P4HA2: variants seen among roughly 807,000 people sequenced by gnomAD.
P4HA2 encodes the protein prolyl 4-hydroxylase subunit alpha 2, also known as prolyl 4-hydroxylase subunit alpha-2.
Under a neutral mutation model 76.9 loss-of-function variants are expected in P4HA2, and 46 were observed. The ratio of observed to expected loss-of-function variants is 0.60; its 90% confidence interval spans 0.47 to 0.76. The LOEUF is 0.76. Ranked by LOEUF, P4HA2 falls within the 30% of genes least tolerant of loss-of-function variation. The pLI, the probability that P4HA2 is intolerant of heterozygous loss-of-function variation, is 0.00. For synonymous variants in P4HA2, 243 were observed against 254.0 expected, an observed-to-expected ratio of 0.96 and a Z score of 0.41; for missense variants, 583 against 669.4, an observed-to-expected ratio of 0.87 and a Z score of 1.42.
rs2126536583 is a variant in P4HA2, at chr5:132,197,359, G to A, written c.1365+962C>T. Among the ~76,000 whole-genome samples the A allele has an allele frequency of 1.3e-5, 2 of 152,294 alleles. 1 individual carries two copies. Among genetic ancestry groups the A allele is most frequent in the Middle Eastern group, 6.8e-3 (2 of 294 alleles). On this transcript the variant is annotated intron_variant, in intron 12 of 14. Transcript: ENST00000360568. The stretch of plus-strand genomic sequence containing the variant: ...GCAGTGGCTCACGCCTGTAATCCCA[G>A]CACTTTGGGAGGCCGAGGGGGGCGG...
chr5:132,198,202 T>A, intron 12 of P4HA2, 119 bp downstream of exon 12: 1 of 1,614,136 alleles, frequency 6.2e-7, no homozygotes. Context: ...CACATCATAC[T>A]CACGTAGTTT....
chr5:132,206,144 G>C (rs1752179390), intron 8 of P4HA2, among the ~76,000 whole-genome samples: 1 of 152,090 alleles, frequency 6.6e-6, no homozygotes, highest in Non-Finnish European at 1.5e-5. Flanking sequence ...CTACCCTCTG[G>C]CCAGCCACAC....
rs1750059689 is a variant in P4HA2, at chr5:132,192,948, A to T, written c.*62T>A. 1 of 1,039,002 alleles carries T rather than the reference A, an allele frequency of 9.6e-7. No homozygotes were observed. Among genetic ancestry groups the T allele is most frequent in the African/African-American group, 1.6e-5 (1 of 63,288 alleles). The allele number at this position is 1,039,002 out of a possible 1,614,324, so 64.4% of individuals were successfully genotyped here. On this transcript the variant is annotated 3_prime_UTR_variant, in exon 15 of 15. Transcript: ENST00000360568. ...GATAGGAACATACAAAGGAACATAC[A>T]AAGGTGTCTGTCACGTTGACATGGG...
intron 4 of P4HA2, among the ~76,000 whole-genome samples, chr5:132,215,874 A>G (rs1753787408): frequency 7.4e-6 from 1 of 135,886 alleles, no homozygotes; most frequent in African/African-American, 2.9e-5. Flanking sequence ...AAAAAAAAAA[A>G]AAAGGCAGCG....
Position 132,194,962 on chromosome 5 carries a change from G to A in P4HA2, c.1495C>T (p.His499Tyr). The change falls in exon 14 of 15, where the codon CAT (histidine) becomes TAT (tyrosine). Residue 499 changes from histidine to tyrosine, a missense_variant. His to Tyr is a moderately conservative substitution (Grantham distance 83). Transcript: ENST00000360568. ...RSGEGDYRTR[H>Y]AACPVLVGCK... ...CCCACAAGCACAGGGCAGGCAGCAT[G>A]TCTTGTTCGGTAGTCACCTTCCCCG... 1 of 1,613,790 alleles carries A rather than the reference G, an allele frequency of 6.2e-7. No individual in the cohort carries two copies. Among genetic ancestry groups the A allele is most frequent in the Non-Finnish European group, 8.5e-7 (1 of 1,179,676 alleles).
In P4HA2 at chr5:132,227,767, G is replaced by T. The variant is rs559774982; in HGVS notation, c.-19+23C>A. The stretch of plus-strand genomic sequence containing the variant: ...GCCCCAGCGCTAAGGTTGATCTGGC[G>T]GCTGAGCGGGCGGGGCGCTCACCTG... On this transcript the variant is annotated intron_variant, in intron 1 of 14. Transcript: ENST00000360568. 18 of 152,312 alleles carry T rather than the reference G, an allele frequency of 1.2e-4. No individual in the cohort carries two copies. The East Asian group carries it at 3.3e-3, about 28-fold the overall frequency. The allele number at this position is 152,312 out of a possible 1,614,324, so 9.4% of individuals were successfully genotyped here.
Position 132,198,371 on chromosome 5 carries a change from C to T in P4HA2, c.1315G>A (p.Asp439Asn), listed in dbSNP as rs1407972542. The T allele has an allele frequency of 1.2e-6, 2 of 1,613,242 alleles. No homozygotes were observed. The highest frequency in any genetic ancestry group is 2.7e-5 in the African/African-American group (2 of 74,906). ...TTCCCCTCTGTTTTGAGGCCGCTGTCAAAAGGTCGCTGCAACAGACAACAA... is the reference window on the plus strand; with the variant it reads ...TTCCCCTCTGTTTTGAGGCCGCTGTTAAAAGGTCGCTGCAACAGACAACAA... ...PHFDFSRRPF[D>N]SGLKTEGNRL... Residue 439 changes from aspartate to asparagine, a missense_variant, in exon 12 of 15, where the codon GAC becomes AAC. By Grantham distance (23) the Asp-to-Asn change is conservative. Transcript: ENST00000360568.
intron 5 of P4HA2, 148 bp from the exon 6 acceptor site, chr5:132,210,671 C>G: frequency 1.3e-6 from 1 of 792,114 alleles, no homozygotes; most frequent in East Asian, 2.5e-5. Context: ...TCCTAAAGGG[C>G]CACTGACACA....
In P4HA2 at chr5:132,210,291, G is replaced by A. The variant is rs1456361499; in HGVS notation, c.702C>T (p.Leu234=). Residue 234 remains leucine (L), a synonymous_variant, in exon 6 of 15, where the codon CTC becomes CTT. Transcript: ENST00000360568. ...CCCCTAGAATCTCCTTACCAAGGGA[G>A]AGCAGGCGGCGGGTGAGCTCCAGGG... ...HRALELTRRL[L]SLDPSHERAG... is the part of the protein sequence containing the mutation. 2 of 1,614,008 alleles carry A rather than the reference G, an allele frequency of 1.2e-6. No homozygotes were observed. The highest frequency in any genetic ancestry group is 1.7e-5 in the Admixed American group (1 of 60,006).
At chr5:132,204,765 GAA>G (rs1751972457) in intron 8 of P4HA2, among the ~76,000 whole-genome samples, 1 of 152,178 alleles carries the variant, frequency 6.6e-6, no homozygotes, top group Non-Finnish European at 1.5e-5. Flanking sequence ...ATAAAACCAG[GAA>G]AAGATTCTGT....
chr5:132,207,794 C>T lies in P4HA2; in HGVS notation c.994G>A (p.Glu332Lys), dbSNP rs780330769. ...CTGACGATGTGCGGGCTGTCCCACT[C>T]GTCCTCCTCTTTGAAGGGGGCAATG... is the stretch of plus-strand genomic sequence containing the variant. ...LLIAPFKEED[E>K]WDSPHIVRYY... Residue 332 changes from glutamate to lysine, a missense_variant, in exon 8 of 15, where the codon GAG becomes AAG. Coordinates refer to ENST00000360568, the MANE Select transcript of P4HA2 (RefSeq NM_001017974.2). The T allele has an allele frequency of 9.9e-6, 16 of 1,613,184 alleles. No homozygotes were observed. Among genetic ancestry groups the T allele is most frequent in the Non-Finnish European group, 1.4e-5 (16 of 1,179,572 alleles).
chr5:132,195,516 C>T (rs751454983), intron 12 of P4HA2, 36 bp from the exon 13 acceptor site: 2 of 1,517,804 alleles, frequency 1.3e-6, no homozygotes, highest in African/African-American at 2.7e-5. Context: ...ACCCTCCTAC[C>T]CAAGGCTCTC....
chr5:132,218,552 G>A lies in P4HA2; in HGVS notation c.75C>T (p.Thr25=). The A allele has an allele frequency of 1.2e-6, 2 of 1,611,040 alleles. No homozygotes were observed. Among genetic ancestry groups the A allele is most frequent in the Non-Finnish European group, 1.7e-6 (2 of 1,177,284 alleles). ...VLSCVQAEFF[T]SIGHMTDLIY... ...AGTCCTGTTGGCACGTACCAATAGA[G>A]GTGAAGAATTCGGCCTGCACACAGC... is the stretch of plus-strand genomic sequence containing the variant. Residue 25 remains threonine, a synonymous_variant, in exon 2 of 15, where the codon ACC becomes ACT. Transcript: ENST00000360568.
At chr5:132,215,850 TAAAAAAA>T (rs539378974) in intron 4 of P4HA2, among the ~76,000 whole-genome samples, 4 of 81,898 alleles carry the variant, frequency 4.9e-5, no homozygotes, top group South Asian at 5.8e-4. Context: ...CCTGTCCCTT[TAAAAAAA>T]AAAAAAAAAA....
At chr5:132,217,955 A>T in intron 2 of P4HA2, 107 bp from the exon 3 acceptor site, 1 of 680,746 alleles carries the variant, frequency 1.5e-6, no homozygotes, top group Non-Finnish European at 2.6e-6. Flanking sequence ...CTGGGATAAG[A>T]ACATGTCAGC....
In P4HA2 at chr5:132,194,985, C is replaced by G. The variant is rs771582184; in HGVS notation, c.1472G>C (p.Gly491Ala). 6.2e-7 allele frequency: 1 copy of G among 1,613,632 alleles called. No individual in the cohort carries two copies. The change falls in exon 14 of 15, where the codon GGG becomes GCG. Residue 491 changes from glycine to alanine, a missense_variant. By Grantham distance (60) the Gly-to-Ala change is moderately conservative (BLOSUM62 0). Coordinates refer to ENST00000360568, the MANE Select transcript of P4HA2 (RefSeq NM_001017974.2). ...ATGTCTTGTTCGGTAGTCACCTTCC[C>G]CGCTCCGCAAGAGGTTGTACCAGAA... is the stretch of plus-strand genomic sequence containing the variant. ...AVFWYNLLRS[G>A]EGDYRTRHAA...
At chr5:132,198,778 T>C in intron 11 of P4HA2, 101 bp downstream of exon 11, 2 of 808,232 alleles carry the variant, frequency 2.5e-6, no homozygotes, top group Middle Eastern at 3.1e-4. Context: ...GGACAAGGGG[T>C]GGGGGTACTG....
chr5:132,193,150 A>G, intron 14 of P4HA2, 70 bp from the exon 15 acceptor site: 1 of 1,012,342 alleles, frequency 9.9e-7, no homozygotes. Flanking sequence ...TGACTCCTTC[A>G]TGATGACCCC....
intron 10 of P4HA2, 157 bp downstream of exon 10, chr5:132,203,591 T>C: frequency 4.9e-6 from 3 of 609,890 alleles, no homozygotes; most frequent in Admixed American, 2.7e-5. Context: ...GCAGGCATGA[T>C]TAATTCTGGT....
Sources: allele counts gnomAD v4.1 joint callset (sites outside exome capture counted in the v4.1 genomes callset), GRCh38; gene constraint gnomAD v4.1.1; transcripts MANE v1.5; gene names NCBI Gene and HGNC (gene_info 2026-07-23, HGNC 2026-07-21).